The following OR9Q2 variants were observed in gnomAD, a reference collection of about 807,000 sequenced individuals.
OR9Q2 encodes olfactory receptor family 9 subfamily Q member 2.
OR9Q2 carries 2 observed loss-of-function variants against 2.3 expected under a neutral mutation model. That is an observed-to-expected ratio of 0.85 (90% CI 0.35 to 2.68). The LOEUF is 2.68. OR9Q2 is among the 30% of genes most tolerant of loss of function. OR9Q2 has a pLI of 0.10. For missense variants in OR9Q2, 404 were observed against 395.7 expected, an observed-to-expected ratio of 1.02 and a Z score of -0.18; for synonymous variants, 178 against 158.6, an observed-to-expected ratio of 1.12 and a Z score of -0.92.
Position 58,191,053 on chromosome 11 carries a change from C to T in OR9Q2, c.563C>T (p.Ser188Phe). The change falls in exon 2 of 2, where the codon TCC (serine) becomes TTC (phenylalanine). Residue 188 changes from serine to phenylalanine, a missense_variant. Physicochemically the swap from Ser to Phe is radical, Grantham distance 155. Transcript: ENST00000641291. ...GACCTCCCTCCTCTATTAAAACTCT[C>T]CTGTGGGGACAGCTACACTCAGGAA... ...FCDLPPLLKL[S>F]CGDSYTQEVV... The T allele has an allele frequency of 2.5e-6, 4 of 1,614,188 alleles. No homozygotes were observed. The highest frequency in any genetic ancestry group is 1.1e-5 in the South Asian group (1 of 91,082).
At position 58,190,866 on chromosome 11, in the gene OR9Q2, G is replaced by A. The variant is rs1345684913; in HGVS notation, c.376G>A (p.Val126Met). The A allele has an allele frequency of 1.5e-5, 24 of 1,614,064 alleles. No homozygotes were observed. In the East Asian group the frequency reaches 4.2e-4, roughly 28 times the overall value. Residue 126 changes from valine (V) to methionine (M), a missense_variant, in exon 2 of 2, where the codon GTG (valine) becomes ATG (methionine). By Grantham distance (21) the Val-to-Met change is conservative (BLOSUM62 1). Transcript: ENST00000641291. ...AIMAYDRYTA[V>M]CQPLLYVTII... ...CATGGCCTATGACCGCTACACGGCC[G>A]TGTGCCAGCCCCTGCTTTATGTCAC... is the stretch of plus-strand genomic sequence containing the variant.
chr11:58,190,942 C>A lies in OR9Q2; in HGVS notation c.452C>A (p.Ala151Asp). The change falls in exon 2 of 2, where the codon GCT becomes GAT. Residue 151 changes from alanine (A) to aspartate (D), a missense_variant. Ala to Asp is a moderately radical substitution (Grantham distance 126). Transcript: ENST00000641291. The part of the protein sequence containing the change: ...RWGLVTGAYV[A>D]GFFSAFVRTV... The stretch of plus-strand genomic sequence containing the variant: ...GGCCTAGTCACTGGGGCTTACGTTG[C>A]TGGTTTTTTCAGTGCCTTTGTTCGA... 6.2e-7 allele frequency: 1 copy of A among 1,614,212 alleles called. No individual in the cohort carries two copies. Among genetic ancestry groups the A allele is most frequent in the Non-Finnish European group, 8.5e-7 (1 of 1,180,026 alleles).
chr11:58,191,256 A>T lies in OR9Q2; in HGVS notation c.766A>T (p.Ile256Phe), dbSNP rs768570920. The part of the protein sequence containing the change: ...TAVALFFGTL[I>F]FMYLRDNTGQ... ...CGTCGCTCTTTTCTTTGGCACCCTC[A>T]TCTTCATGTACCTGCGAGACAACAC... Residue 256 changes from isoleucine to phenylalanine, a missense_variant, in exon 2 of 2, where the codon ATC (isoleucine) becomes TTC (phenylalanine). Transcript: ENST00000641291. 1.4e-5 allele frequency: 22 copies of T among 1,613,820 alleles called. No individual in the cohort carries two copies. The highest frequency in any genetic ancestry group is 8.5e-6 in the Non-Finnish European group (10 of 1,180,014).
In OR9Q2 at chr11:58,190,358, G is replaced by A. The variant is rs934772610; in HGVS notation, c.-133G>A. 4.8e-6 allele frequency: 3 copies of A among 629,878 alleles called. No homozygotes were observed. The highest frequency in any genetic ancestry group is 8.5e-6 in the Non-Finnish European group (3 of 353,308). The allele number at this position is 629,878 out of a possible 1,614,324, so 39.0% of individuals were successfully genotyped here. A position where few individuals can be genotyped will look rare whatever the true frequency, so the allele number is the denominator to read the frequency against. On this transcript the variant is annotated 5_prime_UTR_variant, in exon 2 of 2. In the 5' UTR this introduces an upstream ATG that the reference lacks. Transcript: ENST00000641291. ...GTCTATATCTATCTTCGACTGAAAA[G>A]TGTGTTGAAGTTGAGTGCCGACATG...
rs1344139118 is a variant in OR9Q2 at position 58,190,444 on chromosome 11, C to T, written c.-47C>T. 2 of 1,317,276 alleles carry T rather than the reference C, an allele frequency of 1.5e-6. No homozygotes were observed. The highest frequency in any genetic ancestry group is 2.5e-5 in the South Asian group (2 of 79,870). 81.6% of individuals were successfully genotyped at this position (1,317,276 alleles called of 1,614,324 possible). Reference sequence around the variant, plus strand: ...CATTTGAACTCCTCTTGAGCTGTCCCCTCATCTGGCTCTTGTCTTAGCCGT... The same window carrying T: ...CATTTGAACTCCTCTTGAGCTGTCCTCTCATCTGGCTCTTGTCTTAGCCGT... On this transcript the variant is annotated 5_prime_UTR_variant, in exon 2 of 2. Transcript: ENST00000641291.
Position 58,190,667 on chromosome 11 carries a change from G to A in OR9Q2, c.177G>A (p.Met59Ile), listed in dbSNP as rs775402735. The change falls in exon 2 of 2, where the codon ATG (methionine) becomes ATA (isoleucine). Residue 59 changes from methionine to isoleucine, a missense_variant. By Grantham distance (10) the Met-to-Ile change is conservative. Coordinates refer to ENST00000641291, the MANE Select transcript of OR9Q2 (RefSeq NM_001005283.3). Reference protein sequence around the residue: ...IRGDRRLHTPMYFFLSHLSLV... With the variant: ...IRGDRRLHTPIYFFLSHLSLV... ...GCGATCGTCGGCTCCACACCCCGAT[G>A]TACTTCTTCCTCAGCCACCTTTCCT... 7.4e-6 allele frequency: 12 copies of A among 1,614,172 alleles called. No homozygotes were observed. The highest frequency in any genetic ancestry group is 9.3e-6 in the Non-Finnish European group (11 of 1,180,028).
Position 58,191,259 on chromosome 11 carries a change from TTCA to T in OR9Q2, c.771_773del (p.Phe257_Met258delinsLeu). 1.2e-6 allele frequency: 2 copies of T among 1,614,114 alleles called. No individual in the cohort carries two copies. The highest frequency in any genetic ancestry group is 1.3e-5 in the African/African-American group (1 of 75,030). On this transcript the variant is annotated inframe_deletion, in exon 2 of 2. Coordinates refer to ENST00000641291, the MANE Select transcript of OR9Q2 (RefSeq NM_001005283.3). ...CGCTCTTTTCTTTGGCACCCTCATC[TTCA>T]TGTACCTGCGAGACAACACAGGCCA...
Position 58,191,430 on chromosome 11 carries a change from C to G in OR9Q2, c.940C>G (p.Pro314Ala). The G allele has an allele frequency of 6.3e-7, 1 of 1,578,238 alleles. No individual in the cohort carries two copies. The highest frequency in any genetic ancestry group is 8.6e-7 in the Non-Finnish European group (1 of 1,160,058). The change falls in exon 2 of 2, where the codon CCC (proline) becomes GCC (alanine). Residue 314 changes from proline to alanine, a missense_variant. By Grantham distance (27) the Pro-to-Ala change is conservative (BLOSUM62 -1). Coordinates refer to ENST00000641291, the MANE Select transcript of OR9Q2 (RefSeq NM_001005283.3). ...ALSKSKPARRP is the reference protein window; with the variant it reads ...ALSKSKPARRA ...GAGCAAATCAAAGCCTGCTAGAAGA[C>G]CCTAAATGGACCCTTGTGAAATATA... is the stretch of plus-strand genomic sequence containing the variant.
chr11:58,190,354 A>C lies in OR9Q2; in HGVS notation c.-137A>C. 1 of 625,898 alleles carries C rather than the reference A, an allele frequency of 1.6e-6. No individual in the cohort carries two copies. Among genetic ancestry groups the C allele is most frequent in the Non-Finnish European group, 2.8e-6 (1 of 351,070 alleles). The allele number at this position is 625,898 out of a possible 1,614,324, so 38.8% of individuals were successfully genotyped here. ...ATCTGTCTATATCTATCTTCGACTG[A>C]AAAGTGTGTTGAAGTTGAGTGCCGA... is the stretch of plus-strand genomic sequence containing the variant. On this transcript the variant is annotated 5_prime_UTR_variant, in exon 2 of 2. Coordinates refer to ENST00000641291, the MANE Select transcript of OR9Q2 (RefSeq NM_001005283.3).
chr11:58,191,137 T>C lies in OR9Q2; in HGVS notation c.647T>C (p.Val216Ala). ...CCTGCCTGTATCTTGGTGATCTTGG[T>C]ATCCTACCTGTTTATCATTGTGGCC... ...VMPACILVILVSYLFIIVAIL... is the reference protein window; with the variant it reads ...VMPACILVILASYLFIIVAIL... The change falls in exon 2 of 2, where the codon GTA becomes GCA. Residue 216 changes from valine (V) to alanine (A), a missense_variant. Transcript: ENST00000641291. 4.3e-6 allele frequency: 7 copies of C among 1,614,224 alleles called. No individual in the cohort carries two copies. The South Asian group carries it at 5.5e-5, about 13-fold the overall frequency.
Position 58,190,919 on chromosome 11 carries a change from C to T in OR9Q2, c.429C>T (p.Gly143=), listed in dbSNP as rs1259497848. The T allele has an allele frequency of 1.2e-6, 2 of 1,614,228 alleles. No individual in the cohort carries two copies. The highest frequency in any genetic ancestry group is 3.3e-5 in the Admixed American group (2 of 60,034). The change falls in exon 2 of 2, where the codon GGC becomes GGT. Residue 143 remains glycine, a synonymous_variant. Coordinates refer to ENST00000641291, the MANE Select transcript of OR9Q2 (RefSeq NM_001005283.3). ...TCATAACCGAGAAGGCCCGCTGGGG[C>T]CTAGTCACTGGGGCTTACGTTGCTG... ...VTIITEKARW[G]LVTGAYVAGF...
chr11:58,190,891 C>A lies in OR9Q2; in HGVS notation c.401C>A (p.Thr134Asn). ...TAVCQPLLYV[T>N]IITEKARWGL... ...GTGTGCCAGCCCCTGCTTTATGTCA[C>A]CATCATAACCGAGAAGGCCCGCTGG... is the stretch of plus-strand genomic sequence containing the variant. The change falls in exon 2 of 2, where the codon ACC becomes AAC. Residue 134 changes from threonine to asparagine, a missense_variant. Physicochemically the swap from Thr to Asn is moderately conservative, Grantham distance 65 (BLOSUM62 0). Coordinates refer to ENST00000641291, the MANE Select transcript of OR9Q2 (RefSeq NM_001005283.3). 6.2e-7 allele frequency: 1 copy of A among 1,614,244 alleles called. No individual in the cohort carries two copies. The highest frequency in any genetic ancestry group is 1.1e-5 in the South Asian group (1 of 91,088).
Position 58,189,098 on chromosome 11 carries a change from G to C in OR9Q2, c.-183G>C, listed in dbSNP as rs1313953521. Reference sequence around the variant, plus strand: ...GGAGAAAGGCTGGTCCCCTAGTCTTGTTATCTCAAAGTAAGTCTAGAAAAA... The same window carrying C: ...GGAGAAAGGCTGGTCCCCTAGTCTTCTTATCTCAAAGTAAGTCTAGAAAAA... On this transcript the variant is annotated 5_prime_UTR_variant, in exon 1 of 2. Transcript: ENST00000641291. 1 of 152,252 alleles carries C rather than the reference G, an allele frequency of 6.6e-6. No individual in the cohort carries two copies. Among genetic ancestry groups the C allele is most frequent in the African/African-American group, 2.4e-5 (1 of 41,540 alleles). The allele number at this position is 152,252 out of a possible 1,614,324, so 9.4% of individuals were successfully genotyped here.
chr11:58,190,297 C>A (rs945447787), intron 1 of OR9Q2, 22 bp from the exon 2 acceptor site: 6 of 552,080 alleles, frequency 1.1e-5, no homozygotes, highest in Non-Finnish European at 1.9e-5. Flanking sequence ...AAGCATTCAT[C>A]ACTTTTTATC....
At position 58,191,523 on chromosome 11, in the gene OR9Q2, T is replaced by C. The variant is rs1007089169; in HGVS notation, c.*88T>C. 3 of 931,464 alleles carry C rather than the reference T, an allele frequency of 3.2e-6. No individual in the cohort carries two copies. Among genetic ancestry groups the C allele is most frequent in the Non-Finnish European group, 4.8e-6 (3 of 624,092 alleles). The allele number at this position is 931,464 out of a possible 1,614,324, so 57.7% of individuals were successfully genotyped here. On this transcript the variant is annotated 3_prime_UTR_variant, in exon 2 of 2. Transcript: ENST00000641291. ...CACCTTCTGGAGAGACTTTCCTAAA[T>C]AACCCTATGCAAAATCGCACCTGAA...
rs1482124011 is a variant in OR9Q2, at chr11:58,191,115, G to A, written c.625G>A (p.Ala209Thr). The A allele has an allele frequency of 6.2e-7, 1 of 1,614,084 alleles. No individual in the cohort carries two copies. The highest frequency in any genetic ancestry group is 1.7e-5 in the Admixed American group (1 of 60,004). Residue 209 changes from alanine to threonine, a missense_variant, in exon 2 of 2, where the codon GCC (alanine) becomes ACC (threonine). Coordinates refer to ENST00000641291, the MANE Select transcript of OR9Q2 (RefSeq NM_001005283.3). ...TGTGTTTGCTCTTTTCGTCATGCCT[G>A]CCTGTATCTTGGTGATCTTGGTATC... ...IIVFALFVMP[A>T]CILVILVSYL...
In OR9Q2 at chr11:58,190,341, C is replaced by G; in HGVS notation, c.-150C>G. The G allele has an allele frequency of 1.6e-6, 1 of 609,340 alleles. No homozygotes were observed. 37.7% of individuals were successfully genotyped at this position (609,340 alleles called of 1,614,324 possible). The stretch of plus-strand genomic sequence containing the variant: ...CAGTGAGCTCAATATCTGTCTATAT[C>G]TATCTTCGACTGAAAAGTGTGTTGA... On this transcript the variant is annotated 5_prime_UTR_variant, in exon 2 of 2. It adds an upstream start codon to the 5' untranslated region. Coordinates refer to ENST00000641291, the MANE Select transcript of OR9Q2 (RefSeq NM_001005283.3).
intron 1 of OR9Q2, 52 bp from the exon 2 acceptor site, chr11:58,190,267 C>T: frequency 2.0e-6 from 1 of 512,202 alleles, no homozygotes; most frequent in South Asian, 3.5e-5. Flanking sequence ...ATCACTTGCT[C>T]TCTGTTCTTT....
At position 58,190,855 on chromosome 11, in the gene OR9Q2, G is replaced by A. The variant is rs777177506; in HGVS notation, c.365G>A (p.Arg122His). 20 of 1,614,018 alleles carry A rather than the reference G, an allele frequency of 1.2e-5. No individual in the cohort carries two copies. Among genetic ancestry groups the A allele is most frequent in the African/African-American group, 1.1e-4 (8 of 74,902 alleles). Reference protein sequence around the residue: ...CYLLAIMAYDRYTAVCQPLLY... With the variant: ...CYLLAIMAYDHYTAVCQPLLY... ...CTTCTGGCCATCATGGCCTATGACC[G>A]CTACACGGCCGTGTGCCAGCCCCTG... Residue 122 changes from arginine to histidine, a missense_variant, in exon 2 of 2, where the codon CGC (arginine) becomes CAC (histidine). Coordinates refer to ENST00000641291, the MANE Select transcript of OR9Q2 (RefSeq NM_001005283.3).
Sources: allele counts gnomAD v4.1 joint callset, GRCh38; gene constraint gnomAD v4.1.1; transcripts MANE v1.5; gene names NCBI Gene and HGNC (gene_info 2026-07-23, HGNC 2026-07-21).